The following ZBTB16 variants were observed in gnomAD, a reference collection of about 807,000 sequenced individuals.
ZBTB16 encodes zinc finger and BTB domain-containing protein 16.
Under a neutral mutation model 56.8 loss-of-function variants are expected in ZBTB16, and 8 were observed. That is an observed-to-expected ratio of 0.14 (90% CI 0.08 to 0.25). The LOEUF (loss-of-function observed/expected upper bound fraction) is 0.25, where lower values mean the gene tolerates loss of function less well. ZBTB16 is among the 10% of genes least tolerant of loss of function. ZBTB16 has a pLI of 1.00. For synonymous variants in ZBTB16, 363 were observed against 368.5 expected (o/e 0.98, Z 0.17); for missense variants, 625 against 903.0 (o/e 0.69, Z 3.95).
At chr11:114,246,922 G>C in intron 5 of ZBTB16, 2 of 497,086 alleles carry the variant, frequency 4.0e-6, no homozygotes, top group Middle Eastern at 5.7e-4. Flanking sequence ...CTTGCTTTCT[G>C]GGGACTGCTG....
intron 2 of ZBTB16, among the ~76,000 whole-genome samples, chr11:114,155,480 G>GT (rs1432517641): frequency 3.3e-5 from 5 of 152,180 alleles, no homozygotes; most frequent in African/African-American, 1.2e-4. Context: ...TGGGAGTTGG[G>GT]ATGGGAGCAC....
At chr11:114,200,813 C>CT (rs1225555037) in intron 4 of ZBTB16, among the ~76,000 whole-genome samples, 1 of 152,208 alleles carries the variant, frequency 6.6e-6, no homozygotes, top group East Asian at 1.9e-4. Context: ...TGTTTCCTCT[C>CT]TGACTTCTCA....
At chr11:114,102,962 G>C (rs188344196) in intron 2 of ZBTB16, among the ~76,000 whole-genome samples, 4 of 152,204 alleles carry the variant, frequency 2.6e-5, no homozygotes, top group East Asian at 3.9e-4. Flanking sequence ...GTCAAATGTG[G>C]GTACCCTTCC....
chr11:114,071,260 TAAAA>T (rs1939337827), intron 2 of ZBTB16, among the ~76,000 whole-genome samples: 1 of 144,290 alleles, frequency 6.9e-6, no homozygotes, highest in Non-Finnish European at 1.5e-5. Context: ...TTTTTTTTTT[TAAAA>T]TACTTTAACC....
At chr11:114,070,125 G>A (rs980125467) in intron 2 of ZBTB16, among the ~76,000 whole-genome samples, 10 of 115,564 alleles carry the variant, frequency 8.7e-5, no homozygotes, top group Admixed American at 1.2e-4. Flanking sequence ...TTTTTGAGAC[G>A]GAGTCTCGCT....
In ZBTB16 at chr11:114,063,558, T is replaced by C. The variant is rs1938969411; in HGVS notation, c.258T>C (p.Tyr86=). 6.2e-7 allele frequency: 1 copy of C among 1,614,202 alleles called. No homozygotes were observed. Among genetic ancestry groups the C allele is most frequent in the South Asian group, 1.1e-5 (1 of 91,086 alleles). Reference sequence around the variant, plus strand: ...AGACCTTCCAGCAGATTCTGGAGTATGCATATACAGCCACGCTGCAAGCCA... The same window carrying C: ...AGACCTTCCAGCAGATTCTGGAGTACGCATATACAGCCACGCTGCAAGCCA... ...SPKTFQQILE[Y]AYTATLQAKA... is the part of the protein sequence containing the mutation. The change falls in exon 2 of 7, where the codon TAT becomes TAC. Residue 86 remains tyrosine (Y), a synonymous_variant. Coordinates refer to ENST00000335953, the MANE Select transcript of ZBTB16 (RefSeq NM_006006.6). This position sits in a 1 kb window ranked among gnomAD's most constrained non-coding sequence, Gnocchi z 6.5.
At chr11:114,204,462 T>C (rs547039426) in intron 4 of ZBTB16, among the ~76,000 whole-genome samples, 12 of 152,288 alleles carry the variant, frequency 7.9e-5, no homozygotes, top group African/African-American at 2.6e-4. Flanking sequence ...TATTCACAAA[T>C]GGGGCTATGA....
At chr11:114,233,360 T>C (rs1291847239) in intron 4 of ZBTB16, among the ~76,000 whole-genome samples, 2 of 151,976 alleles carry the variant, frequency 1.3e-5, no homozygotes, top group Non-Finnish European at 2.9e-5. Flanking sequence ...CCATATCTGA[T>C]GCTGGGAGGA....
Position 114,219,755 on chromosome 11 carries a change from G to A in ZBTB16, c.1454-22412G>A, listed in dbSNP as rs182024146. On this transcript the variant is annotated intron_variant, in intron 4 of 6. Transcript: ENST00000335953. ...TGTATAAGCTGTTTGCAGACATTCT[G>A]GGAAGCGTGCAGAGTGGTGTGGGGT... Among the ~76,000 whole-genome samples, 5 of 152,290 alleles carry A rather than the reference G, an allele frequency of 3.3e-5. No individual in the cohort carries two copies. In the East Asian group the frequency reaches 9.6e-4, roughly 29 times the overall value.
At chr11:114,129,861 C>T (rs542421122) in intron 2 of ZBTB16, among the ~76,000 whole-genome samples, 3 of 152,362 alleles carry the variant, frequency 2.0e-5, no homozygotes, top group Admixed American at 2.0e-4. Flanking sequence ...GCTTCTCCCC[C>T]CTCCTTCTCT....
intron 4 of ZBTB16, among the ~76,000 whole-genome samples, chr11:114,230,347 G>A (rs1000863345): frequency 3.9e-5 from 6 of 152,148 alleles, no homozygotes; most frequent in Admixed American, 6.5e-5. Context: ...CCATGAGCTC[G>A]ACCTGCCCTG....
chr11:114,218,892 A>T (rs1181395238), intron 4 of ZBTB16, among the ~76,000 whole-genome samples: 1 of 152,232 alleles, frequency 6.6e-6, no homozygotes, highest in Non-Finnish European at 1.5e-5. Context: ...CAAAACATGA[A>T]ATGAGTGAGT....
intron 2 of ZBTB16, among the ~76,000 whole-genome samples, chr11:114,127,594 G>A (rs539313266): frequency 1.3e-5 from 2 of 152,314 alleles, no homozygotes; most frequent in East Asian, 3.9e-4. Context: ...TTGTGGATGG[G>A]TAGGAGGCAG....
At chr11:114,208,451 A>T (rs2135123276) in intron 4 of ZBTB16, among the ~76,000 whole-genome samples, 1 of 152,190 alleles carries the variant, frequency 6.6e-6, no homozygotes, top group East Asian at 1.9e-4. Flanking sequence ...CCTGCCCTTT[A>T]TACCTCAAAA....
At chr11:114,245,711 C>T (rs1255286972) in intron 5 of ZBTB16, among the ~76,000 whole-genome samples, 2 of 152,064 alleles carry the variant, frequency 1.3e-5, no homozygotes, top group East Asian at 1.9e-4. Flanking sequence ...AATGCAAAAA[C>T]GTAGGTCATT....
chr11:114,175,929 C>A (rs1164530720), intron 3 of ZBTB16, among the ~76,000 whole-genome samples: 3 of 151,708 alleles, frequency 2.0e-5, no homozygotes, highest in Admixed American at 6.6e-5. Context: ...TCTTAGTCTT[C>A]TTTTTTCCAT....
chr11:114,076,390 A>G (rs1050378663), intron 2 of ZBTB16, among the ~76,000 whole-genome samples: 6 of 152,176 alleles, frequency 3.9e-5, no homozygotes, highest in African/African-American at 1.2e-4. Flanking sequence ...TCACGGAGGC[A>G]AGTTCTCACC....
intron 2 of ZBTB16, among the ~76,000 whole-genome samples, chr11:114,134,153 G>T (rs930297909): frequency 2.0e-5 from 3 of 152,172 alleles, no homozygotes; most frequent in Non-Finnish European, 4.4e-5. Flanking sequence ...ACTTAATTTA[G>T]TAGGACTCTG....
chr11:114,210,614 G>A (rs1186142431), intron 4 of ZBTB16: 1 of 227,372 alleles, frequency 4.4e-6, no homozygotes, highest in East Asian at 6.3e-5. Flanking sequence ...TATTTACCAA[G>A]AGCGTCTGTC....
Sources: gnomAD v4.1 joint callset for allele counts (sites outside exome capture counted in the v4.1 genomes callset) on GRCh38, gnomAD v4.1.1 for gene constraint, Gnocchi (gnomAD v3.1) non-coding constraint, MANE v1.5 for transcripts, NCBI Gene and HGNC (gene_info 2026-07-23, HGNC 2026-07-21) for gene names.